TRPM4: variants seen among roughly 807,000 people sequenced by gnomAD.
TRPM4 encodes the protein calcium-activated non-selective cation channel 1.
Under a neutral mutation model 135.6 loss-of-function variants are expected in TRPM4, and 124 were observed. The ratio of observed to expected loss-of-function variants is 0.91; its 90% CI spans 0.79 to 1.06. The LOEUF (loss-of-function observed/expected upper bound fraction) is 1.06. Ranked by LOEUF, TRPM4 falls within the 50% of genes least tolerant of loss-of-function variation. The pLI, the probability that TRPM4 is intolerant of heterozygous loss-of-function variation, is 0.00. For missense variants in TRPM4, 1,658 were observed against 1,671.4 expected, an observed-to-expected ratio of 0.99 and a Z score of 0.14; for synonymous variants, 745 against 705.6, an observed-to-expected ratio of 1.06 and a Z score of -0.88.
chr19:49,158,241 T>C lies in TRPM4; in HGVS notation c.74T>C (p.Val25Ala). 1 of 1,613,932 alleles carries C rather than the reference T, an allele frequency of 6.2e-7. No homozygotes were observed. The highest frequency in any genetic ancestry group is 1.1e-5 in the South Asian group (1 of 91,084). The change falls in exon 2 of 25, where the codon GTT becomes GCT. Residue 25 changes from valine (V) to alanine (A), a missense_variant. Val to Ala is a moderately conservative substitution (Grantham distance 64). Transcript: ENST00000252826. ...AAGAAGACCTGCACGACGTTCATAG[T>C]TGACTCCACAGATCCGGGGTGAGGA... ...FKKKTCTTFI[V>A]DSTDPGGTLC...
intron 2 of TRPM4, chr19:49,159,027 T>G (rs1189723136): frequency 1.4e-4 from 2 of 14,466 alleles, no homozygotes; most frequent in Non-Finnish European, 6.1e-4. Context: ...CTTTCTAGTT[T>G]TTTTTTTTTT....
intron 4 of TRPM4, 47 bp downstream of exon 4, chr19:49,168,144 G>T (rs1461995542): frequency 6.3e-7 from 1 of 1,590,956 alleles, no homozygotes; most frequent in Non-Finnish European, 8.6e-7. Flanking sequence ...CGGCCTGCCT[G>T]CCATCTCCCC....
Position 49,211,453 on chromosome 19 carries a change from C to T in TRPM4, c.3641-41C>T. 1.2e-6 allele frequency: 2 copies of T among 1,613,800 alleles called. No individual in the cohort carries two copies. Among genetic ancestry groups the T allele is most frequent in the Non-Finnish European group, 1.7e-6 (2 of 1,180,004 alleles). ...TCCCAGTTTTTCTGTCTCTCCCCTT[C>T]CCTGCCAATCACCTGCTCTCTCTTT... is the stretch of plus-strand genomic sequence containing the variant. On this transcript the variant is annotated intron_variant, in intron 24 of 24. Coordinates refer to ENST00000252826, the MANE Select transcript of TRPM4 (RefSeq NM_017636.4). The surrounding 1 kb of genome is among the most constrained non-coding windows in gnomAD (Gnocchi z 4.8).
chr19:49,181,912 G>A (rs182164413), intron 10 of TRPM4, among the ~76,000 whole-genome samples: 30 of 151,638 alleles, frequency 2.0e-4, no homozygotes, highest in African/African-American at 7.3e-4. Flanking sequence ...ATCCATCTCT[G>A]TCCATCTGCC....
At chr19:49,186,995 T>C (rs1044133233) in intron 12 of TRPM4, among the ~76,000 whole-genome samples, 4 of 151,986 alleles carry the variant, frequency 2.6e-5, no homozygotes, top group African/African-American at 9.7e-5. Context: ...AGCCACCAGA[T>C]AGGGCCACAC....
intron 9 of TRPM4, among the ~76,000 whole-genome samples, chr19:49,179,745 G>C (rs534862737): frequency 4.6e-5 from 7 of 152,346 alleles, no homozygotes; most frequent in African/African-American, 1.7e-4. Flanking sequence ...TCGTGGAAAA[G>C]TCCGCTCTGA....
chr19:49,173,498 C>T (rs1967553464), intron 9 of TRPM4, among the ~76,000 whole-genome samples: 1 of 152,194 alleles, frequency 6.6e-6, no homozygotes, highest in Non-Finnish European at 1.5e-5. Context: ...TACATGCTTC[C>T]AATATACATG....
At chr19:49,181,779 G>A (rs996621904) in intron 10 of TRPM4, among the ~76,000 whole-genome samples, 6 of 151,902 alleles carry the variant, frequency 3.9e-5, no homozygotes, top group African/African-American at 7.3e-5. Context: ...TGATCCGCCC[G>A]CCTCAGGCTC....
intron 2 of TRPM4, among the ~76,000 whole-genome samples, chr19:49,164,293 CCCTTCCTT>C (rs35554637): frequency 3.5e-4 from 35 of 99,408 alleles, no homozygotes; most frequent in Non-Finnish European, 4.6e-4. Flanking sequence ...CTCCCTCCCT[CCCTTCCTT>C]CCTTCCTTCC....
At chr19:49,167,749 CCT>C in intron 3 of TRPM4, 166 bp from the exon 4 acceptor site, 3 of 594,660 alleles carry the variant, frequency 5.0e-6, no homozygotes, top group Non-Finnish European at 9.1e-6. Flanking sequence ...GGTCTCTGTC[CCT>C]CTCTCTCTGG....
chr19:49,187,195 G>T (rs1436803799), intron 12 of TRPM4, among the ~76,000 whole-genome samples: 8 of 142,126 alleles, frequency 5.6e-5, no homozygotes, highest in Non-Finnish European at 7.8e-5. Flanking sequence ...GCATTTTCTT[G>T]TTTTTTTTTT....
chr19:49,176,539 G>A (rs1000810187), intron 9 of TRPM4, among the ~76,000 whole-genome samples: 4 of 152,114 alleles, frequency 2.6e-5, no homozygotes, highest in Non-Finnish European at 5.9e-5. Context: ...TTTTGCTTTG[G>A]AATCAGACAA....
At position 49,187,809 on chromosome 19, in the gene TRPM4, G is replaced by C. The variant is rs141651198; in HGVS notation, c.1744-832G>C. Among the ~76,000 whole-genome samples, 4 of 152,280 alleles carry C rather than the reference G, an allele frequency of 2.6e-5. No homozygotes were observed. In the East Asian group the frequency reaches 5.8e-4, roughly 22 times the overall value. On this transcript the variant is annotated intron_variant, in intron 12 of 24. Coordinates refer to ENST00000252826, the MANE Select transcript of TRPM4 (RefSeq NM_017636.4). ...TGGGTAGAGGCTTGGGAAGTGGGGA[G>C]TGCTGATTGGTCAGGTTGGAGATGG...
Position 49,171,036 on chromosome 19 carries a change from C to G in TRPM4, c.797-321C>G, listed in dbSNP as rs2122829203. 6.6e-6 allele frequency among the ~76,000 whole-genome samples: 1 copy of G among 152,098 alleles called. No individual in the cohort carries two copies. Among genetic ancestry groups the G allele is most frequent in the South Asian group, 2.1e-4 (1 of 4,806 alleles). ...GTGTGATCATGCCCCTGCACTCTAT[C>G]CTGGGCGATAGAGTGACACCCTGTT... On this transcript the variant is annotated intron_variant, in intron 6 of 24. Coordinates refer to ENST00000252826, the MANE Select transcript of TRPM4 (RefSeq NM_017636.4). This position sits in a 1 kb window ranked among gnomAD's most constrained non-coding sequence, Gnocchi z 4.7.
chr19:49,185,525 G>A (rs1410079542), intron 12 of TRPM4, among the ~76,000 whole-genome samples: 1 of 152,100 alleles, frequency 6.6e-6, no homozygotes, highest in Non-Finnish European at 1.5e-5. Context: ...ACAGGTGTGA[G>A]CCACCATGCC....
chr19:49,198,216 G>A (rs1968770964), intron 17 of TRPM4, among the ~76,000 whole-genome samples: 1 of 152,200 alleles, frequency 6.6e-6, no homozygotes, highest in African/African-American at 2.4e-5. Context: ...GTAATTTGTT[G>A]TATTTTGTAT....
Position 49,211,231 on chromosome 19 carries a change from C to T in TRPM4, c.3602C>T (p.Pro1201Leu), listed in dbSNP as rs773147035. ...CTGAGCCGCTCTGCCTTGCTGCCCC[C>T]AGGTGGGCCGCCACCCCCTGACCTG... ...EALSRSALLP[P>L]GGPPPPDLPG... The change falls in exon 24 of 25, where the codon CCA becomes CTA. Residue 1201 changes from proline (P) to leucine (L), a missense_variant. Physicochemically the swap from Pro to Leu is moderately conservative, Grantham distance 98. Around this residue, in one of 3 missense-constraint regions of TRPM4, gnomAD observed 1,412 missense variants for 1,408.7 expected, o/e 1.00. Coordinates refer to ENST00000252826, the MANE Select transcript of TRPM4 (RefSeq NM_017636.4). This position sits in a 1 kb window ranked among gnomAD's most constrained non-coding sequence, Gnocchi z 4.8. 19 of 1,592,844 alleles carry T rather than the reference C, an allele frequency of 1.2e-5. No individual in the cohort carries two copies. In the Admixed American group the frequency reaches 3.4e-4, roughly 29 times the overall value.
chr19:49,167,489 C>CA (rs1967255663), intron 3 of TRPM4, among the ~76,000 whole-genome samples: 2 of 128,264 alleles, frequency 1.6e-5, no homozygotes, highest in East Asian at 2.2e-4. Flanking sequence ...GTCTCTGTCC[C>CA]TCTCTCTCTG....
intron 12 of TRPM4, among the ~76,000 whole-genome samples, chr19:49,184,257 G>T (rs1568473625): frequency 6.6e-6 from 1 of 151,834 alleles, no homozygotes; most frequent in Non-Finnish European, 1.5e-5. Flanking sequence ...CTTAGGCTCT[G>T]CTTATTTTCC....
Sources: allele counts gnomAD v4.1 joint callset (sites outside exome capture counted in the v4.1 genomes callset), GRCh38; gene constraint gnomAD v4.1.1; regional missense constraint gnomAD v4.1.1; non-coding constraint Gnocchi (gnomAD v3.1); transcripts MANE v1.5; gene names NCBI Gene and HGNC (gene_info 2026-07-23, HGNC 2026-07-21).